SUPT3H: variants seen among roughly 807,000 people sequenced by gnomAD.
SUPT3H encodes the protein SPT3 homolog, SAGA and STAGA complex component, also known as transcription initiation protein SPT3 homolog.
In SUPT3H, 44 loss-of-function variants were observed where a neutral mutation model predicts 44.3. The ratio of observed to expected loss-of-function variants is 0.99; its 90% CI spans 0.78 to 1.28. The LOEUF is 1.28. Among genes scored for constraint, SUPT3H ranks in the 50% most tolerant of loss-of-function variants. The probability of loss-of-function intolerance (pLI) is 0.00; values close to 1 mark genes in which losing one functional copy is unlikely to be tolerated. For missense variants in SUPT3H, 380 were observed against 387.1 expected (o/e 0.98, Z 0.15); for synonymous variants, 124 against 125.6 (o/e 0.99, Z 0.09).
At chr6:45,219,760 G>T (rs1436114968) in intron 2 of SUPT3H, among the ~76,000 whole-genome samples, 1 of 152,036 alleles carries the variant, frequency 6.6e-6, no homozygotes. Context: ...AAAAAGAATT[G>T]CCAGGCGCAG....
chr6:45,114,160 T>C (rs1207331548), intron 2 of SUPT3H, among the ~76,000 whole-genome samples: 2 of 152,130 alleles, frequency 1.3e-5, no homozygotes. Flanking sequence ...TTTGAAAAGG[T>C]AAACACATAA....
At chr6:44,980,292 A>G (rs949987473) in intron 6 of SUPT3H, among the ~76,000 whole-genome samples, 2 of 151,958 alleles carry the variant, frequency 1.3e-5, no homozygotes, top group African/African-American at 4.8e-5. Context: ...ACTTCATCTC[A>G]TTGATAAGTT....
At chr6:44,924,015 G>C (rs1582524351) in intron 10 of SUPT3H, among the ~76,000 whole-genome samples, 1 of 152,182 alleles carries the variant, frequency 6.6e-6, no homozygotes, top group East Asian at 1.9e-4. Flanking sequence ...TCAGATGACG[G>C]AGATTTTCTT....
At chr6:44,852,822 C>T (rs990361342) in intron 10 of SUPT3H, among the ~76,000 whole-genome samples, 1 of 152,156 alleles carries the variant, frequency 6.6e-6, no homozygotes, top group Non-Finnish European at 1.5e-5. Flanking sequence ...CCATAGTTGT[C>T]GCTGTTCTGT....
intron 2 of SUPT3H, among the ~76,000 whole-genome samples, chr6:45,196,108 C>T (rs1000941220): frequency 4.6e-5 from 7 of 151,996 alleles, no homozygotes; most frequent in Admixed American, 1.3e-4. Flanking sequence ...TCCAATCTAC[C>T]ATAGATAATA....
intron 2 of SUPT3H, among the ~76,000 whole-genome samples, chr6:45,361,055 T>C (rs1410464247): frequency 6.6e-6 from 1 of 152,170 alleles, no homozygotes; most frequent in Non-Finnish European, 1.5e-5. Context: ...GGAGGGTCAC[T>C]TGTGCCTAAG....
chr6:44,894,788 A>T (rs887019251), intron 10 of SUPT3H, among the ~76,000 whole-genome samples: 3 of 151,738 alleles, frequency 2.0e-5, no homozygotes, highest in African/African-American at 4.8e-5. Context: ...AAACGCCCTT[A>T]TAGGCCAGGA....
At chr6:45,337,541 G>T (rs886102905) in intron 2 of SUPT3H, among the ~76,000 whole-genome samples, 4 of 151,658 alleles carry the variant, frequency 2.6e-5, no homozygotes, top group Admixed American at 2.0e-4. Flanking sequence ...CTTTTGCTAC[G>T]CCATAATGAT....
chr6:45,096,032 G>A (rs141025031), intron 3 of SUPT3H, among the ~76,000 whole-genome samples: 2 of 151,964 alleles, frequency 1.3e-5, no homozygotes, highest in Non-Finnish European at 2.9e-5. Flanking sequence ...GAGAAGGGAC[G>A]CTATGTTCCA....
In SUPT3H at chr6:45,157,705, T is replaced by C. The variant is rs1164097359; in HGVS notation, c.102-51699A>G. The stretch of plus-strand genomic sequence containing the variant: ...CTGGGATTACAGGCGCGCACCACCA[T>C]GCCCGGCTAATTTTTGTATTTTTAG... On this transcript the variant is annotated intron_variant, in intron 2 of 10. Coordinates refer to ENST00000371459, the MANE Select transcript of SUPT3H (RefSeq NM_003599.4). Among the ~76,000 whole-genome samples the C allele has an allele frequency of 3.3e-5, 5 of 151,618 alleles. No individual in the cohort carries two copies. The East Asian group carries it at 7.7e-4, about 23-fold the overall frequency.
chr6:45,289,196 C>T (rs1282535852), intron 2 of SUPT3H, among the ~76,000 whole-genome samples: 3 of 151,878 alleles, frequency 2.0e-5, no homozygotes, highest in African/African-American at 4.8e-5. Flanking sequence ...ATTATCAACC[C>T]TTTATGTTGT....
At chr6:45,348,458 A>G (rs1450843979) in intron 2 of SUPT3H, among the ~76,000 whole-genome samples, 2 of 148,522 alleles carry the variant, frequency 1.3e-5, no homozygotes, top group Non-Finnish European at 3.0e-5. Context: ...CTTGAGGTCT[A>G]GAGTTCCAGA....
chr6:45,290,473 A>AAAAAT (rs1554326654), intron 2 of SUPT3H, among the ~76,000 whole-genome samples: 75 of 150,854 alleles, frequency 5.0e-4, no homozygotes, highest in Non-Finnish European at 9.0e-4. Context: ...AAAAAAAAAA[A>AAAAAT]GCAGAGGGTA....
chr6:45,077,214 T>C (rs1432299275), intron 3 of SUPT3H, among the ~76,000 whole-genome samples: 1 of 152,174 alleles, frequency 6.6e-6, no homozygotes, highest in Non-Finnish European at 1.5e-5. Context: ...TACATCTTCA[T>C]TAGTAGTATA....
At chr6:45,037,975 G>C (rs1324027251) in intron 3 of SUPT3H, among the ~76,000 whole-genome samples, 1 of 152,050 alleles carries the variant, frequency 6.6e-6, no homozygotes, top group Non-Finnish European at 1.5e-5. Context: ...CAAGTTTAAA[G>C]GATAGGTTTA....
chr6:45,216,979 A>G (rs1020549748), intron 2 of SUPT3H, among the ~76,000 whole-genome samples: 3 of 152,152 alleles, frequency 2.0e-5, no homozygotes, highest in Admixed American at 2.0e-4. Flanking sequence ...TAGTTATTAG[A>G]GACTAGGGAG....
chr6:45,100,376 C>G (rs1399861561), intron 3 of SUPT3H, among the ~76,000 whole-genome samples: 1 of 150,830 alleles, frequency 6.6e-6, no homozygotes, highest in African/African-American at 2.4e-5. Flanking sequence ...ATGAAAAATC[C>G]AATTAAAAAA....
chr6:45,013,000 C>T (rs1783719621), intron 5 of SUPT3H, among the ~76,000 whole-genome samples: 2 of 152,044 alleles, frequency 1.3e-5, no homozygotes, highest in Admixed American at 1.3e-4. Context: ...CCTGATCTCC[C>T]TATTAAGTTT....
At chr6:44,925,707 A>G (rs1021477907) in intron 10 of SUPT3H, among the ~76,000 whole-genome samples, 1 of 152,168 alleles carries the variant, frequency 6.6e-6, no homozygotes, top group Non-Finnish European at 1.5e-5. Flanking sequence ...TCCCTGTGAC[A>G]TAAGAGAACA....
Sources: gnomAD v4.1 joint callset for allele counts (sites outside exome capture counted in the v4.1 genomes callset) on GRCh38, gnomAD v4.1.1 for gene constraint, MANE v1.5 for transcripts, NCBI Gene and HGNC (gene_info 2026-07-23, HGNC 2026-07-21) for gene names.